The following BCL11A variants were observed in gnomAD, a reference collection of about 807,000 sequenced individuals.
The protein encoded by BCL11A is BCL11 transcription factor A.
In BCL11A, 2 loss-of-function variants were observed where a neutral mutation model predicts 55.9. The observed-to-expected ratio is 0.04, with a 90% confidence interval of 0.01 to 0.11. BCL11A has a LOEUF of 0.11. Among genes scored for constraint, BCL11A ranks in the 10% least tolerant of loss-of-function variants. The pLI is 1.00. For synonymous variants in BCL11A, 465 were observed against 473.4 expected, an observed-to-expected ratio of 0.98 and a Z score of 0.23; for missense variants, 817 against 1,137.1, an observed-to-expected ratio of 0.72 and a Z score of 4.05.
chr2:60,458,672 C>T lies in BCL11A; in HGVS notation c.*1732G>A. The T allele has an allele frequency of 9.7e-7, 1 of 1,028,816 alleles. No individual in the cohort carries two copies. Among genetic ancestry groups the T allele is most frequent in the Non-Finnish European group, 1.2e-6 (1 of 856,072 alleles). 63.7% of individuals were successfully genotyped at this position (1,028,816 alleles called of 1,614,324 possible). A position where few individuals can be genotyped will look rare whatever the true frequency, so the allele number is the denominator to read the frequency against. On this transcript the variant is annotated 3_prime_UTR_variant, in exon 4 of 4. Coordinates refer to ENST00000642384, the MANE Select transcript of BCL11A (RefSeq NM_022893.4). Reference sequence around the variant, plus strand: ...GTTCAATTTTTTTTCAGCATTCTTGCAACTTTTCCCTTAAGTATAGACCTG... The same window carrying T: ...GTTCAATTTTTTTTCAGCATTCTTGTAACTTTTCCCTTAAGTATAGACCTG...
At position 60,537,554 on chromosome 2, in the gene BCL11A, C is replaced by T. The variant is rs1391236125; in HGVS notation, c.385+8417G>A. The T allele has an allele frequency of 2.6e-5, 4 of 152,150 alleles. No individual in the cohort carries two copies. The East Asian group carries it at 7.7e-4, about 29-fold the overall frequency. 9.4% of individuals were successfully genotyped at this position (152,150 alleles called of 1,614,324 possible). ...TTGTTTGAGGAGGTGCAGGGATTGG[C>T]CAAATATTAAAACTCTATATTTAAA... On this transcript the variant is annotated intron_variant, in intron 2 of 3. Transcript: ENST00000642384.
At chr2:60,471,820 A>T (rs146242915) in intron 2 of BCL11A, among the ~76,000 whole-genome samples, 1 of 152,100 alleles carries the variant, frequency 6.6e-6, no homozygotes, top group African/African-American at 2.4e-5. Context: ...ATCACCTGGG[A>T]GTTTGTTCAA....
intron 2 of BCL11A, among the ~76,000 whole-genome samples, chr2:60,471,675 A>T (rs1369122560): frequency 6.6e-6 from 1 of 151,998 alleles, no homozygotes; most frequent in Non-Finnish European, 1.5e-5. Flanking sequence ...CTTCGCTTTC[A>T]TTCTCCCCAG....
At chr2:60,475,026 G>A (rs1677492932) in intron 2 of BCL11A, among the ~76,000 whole-genome samples, 1 of 152,130 alleles carries the variant, frequency 6.6e-6, no homozygotes, top group Non-Finnish European at 1.5e-5. Context: ...AAACTTATGA[G>A]TTAAACCTGG....
At chr2:60,451,573 A>G (rs565185440) in exon 5 of BCL11A, 4 of 231,744 alleles carry the variant, frequency 1.7e-5, no homozygotes, top group African/African-American at 8.8e-5. Context: ...CCCCCCTCTA[A>G]AATCTGCCCC....
intron 2 of BCL11A, chr2:60,526,138 C>T (rs192939602): frequency 6.6e-6 from 1 of 152,132 alleles, no homozygotes; most frequent in African/African-American, 2.4e-5. Context: ...GTTTCTCTCA[C>T]CCTGAACTTC....
At chr2:60,550,425 C>T (rs1441306829) in intron 1 of BCL11A, among the ~76,000 whole-genome samples, 2 of 152,208 alleles carry the variant, frequency 1.3e-5, no homozygotes, top group Admixed American at 6.5e-5. Context: ...TCGCAAAGCT[C>T]GTTCCTCCCC....
chr2:60,526,768 T>G (rs1669221591), intron 2 of BCL11A: 1 of 152,220 alleles, frequency 6.6e-6, no homozygotes, highest in African/African-American at 2.4e-5. Context: ...GACAACTGTG[T>G]AAAAGTCATG....
At chr2:60,547,103 A>AT (rs535815759) in intron 1 of BCL11A, among the ~76,000 whole-genome samples, 130 of 150,000 alleles carry the variant, frequency 8.7e-4, no homozygotes, top group African/African-American at 2.4e-3. Context: ...CCAATTAGTC[A>AT]TTTTTTTTTT....
At chr2:60,469,685 C>G (rs1241235569) in intron 2 of BCL11A, among the ~76,000 whole-genome samples, 1 of 152,168 alleles carries the variant, frequency 6.6e-6, no homozygotes, top group Admixed American at 6.5e-5. Context: ...GTCAATGAAA[C>G]ATTTGTAGCA....
chr2:60,460,178 A>G lies in BCL11A; in HGVS notation c.*226T>C, dbSNP rs1416927382. 1.9e-5 allele frequency: 24 copies of G among 1,295,286 alleles called. No homozygotes were observed. In the East Asian group the frequency reaches 5.1e-4, roughly 27 times the overall value. 80.2% of individuals were successfully genotyped at this position (1,295,286 alleles called of 1,614,324 possible). A position where few individuals can be genotyped will look rare whatever the true frequency, so the allele number is the denominator to read the frequency against. On this transcript the variant is annotated 3_prime_UTR_variant, in exon 4 of 4. Coordinates refer to ENST00000642384, the MANE Select transcript of BCL11A (RefSeq NM_022893.4). ...GGTGAGAACATAAAGGAAAAAAAAA[A>G]AAAAGGAAAAAGAAAAAAGAAAAAG...
intron 2 of BCL11A, among the ~76,000 whole-genome samples, chr2:60,517,766 T>C (rs1573044481): frequency 1.3e-5 from 2 of 152,244 alleles, no homozygotes; most frequent in Non-Finnish European, 1.5e-5. Context: ...AGCCTCAACC[T>C]TTCTCATCTG....
chr2:60,542,218 G>C, intron 2 of BCL11A: 1 of 222,370 alleles, frequency 4.5e-6, no homozygotes, highest in East Asian at 9.1e-5. Context: ...TATAGGACTT[G>C]TCATATTTTT....
At position 60,461,394 on chromosome 2, in the gene BCL11A, C is replaced by G; in HGVS notation, c.1518G>C (p.Thr506=). 1 of 1,605,650 alleles carries G rather than the reference C, an allele frequency of 6.2e-7. No individual in the cohort carries two copies. Among genetic ancestry groups the G allele is most frequent in the Non-Finnish European group, 8.5e-7 (1 of 1,178,880 alleles). Residue 506 remains threonine (T), a synonymous_variant, in exon 4 of 4, where the codon ACG becomes ACC. Transcript: ENST00000642384. ...AGCCGTAGTCCACCCTCTCGCTCTC[C>G]GTCAGCTCCTCCTCCTCCTCTTCCT... The part of the protein sequence containing the change: ...EEEEEEEEEL[T]ESERVDYGFG...
intron 2 of BCL11A, among the ~76,000 whole-genome samples, chr2:60,497,097 C>T (rs1470029335): frequency 6.6e-6 from 1 of 152,220 alleles, no homozygotes; most frequent in East Asian, 1.9e-4. Flanking sequence ...CACCTGTTGG[C>T]CAACCAATTC....
chr2:60,457,264 C>G lies in BCL11A; in HGVS notation c.*3140G>C. The stretch of plus-strand genomic sequence containing the variant: ...TGTATGAACAGGTTAATGCAGACAA[C>G]TGCCAAAAAAACACAGACAGTGGTT... On this transcript the variant is annotated 3_prime_UTR_variant, in exon 4 of 4. Transcript: ENST00000642384. The G allele has an allele frequency of 9.9e-7, 1 of 1,014,260 alleles. No homozygotes were observed. The allele number at this position is 1,014,260 out of a possible 1,614,324, so 62.8% of individuals were successfully genotyped here. A position where few individuals can be genotyped will look rare whatever the true frequency, so the allele number is the denominator to read the frequency against.
intron 2 of BCL11A, among the ~76,000 whole-genome samples, chr2:60,471,308 C>A (rs1677178057): frequency 6.6e-6 from 1 of 152,198 alleles, no homozygotes. Context: ...AGAAAAAAAG[C>A]ACACTGTCTT....
chr2:60,526,844 C>T (rs1459480770), intron 2 of BCL11A: 1 of 152,256 alleles, frequency 6.6e-6, no homozygotes, highest in African/African-American at 2.4e-5. Context: ...ACTCCCTGCG[C>T]TAATCTCTGC....
chr2:60,493,000 G>A (rs1654757037), intron 2 of BCL11A, among the ~76,000 whole-genome samples: 1 of 151,904 alleles, frequency 6.6e-6, no homozygotes, highest in Non-Finnish European at 1.5e-5. Flanking sequence ...CTAACCCTCT[G>A]ACCCCTTCCT....
Sources: allele counts gnomAD v4.1 joint callset (sites outside exome capture counted in the v4.1 genomes callset), GRCh38; gene constraint gnomAD v4.1.1; transcripts MANE v1.5; gene names NCBI Gene and HGNC (gene_info 2026-07-23, HGNC 2026-07-21).